The following BBS9 variants were observed in gnomAD, a reference collection of about 807,000 sequenced individuals.
BBS9 encodes Bardet-Biedl syndrome 9.
Under a neutral mutation model 117.7 loss-of-function variants are expected in BBS9, and 89 were observed. The ratio of observed to expected loss-of-function variants is 0.76; its 90% CI spans 0.64 to 0.90. BBS9 has a LOEUF of 0.90. Among genes scored for constraint, BBS9 ranks in the 40% least tolerant of loss-of-function variants. BBS9 has a pLI of 0.00. For synonymous variants in BBS9, 379 were observed against 370.9 expected (o/e 1.02, Z -0.25); for missense variants, 982 against 1,042.2 (o/e 0.94, Z 0.80).
chr7:33,246,114 A>G (rs2128292416), intron 5 of BBS9, among the ~76,000 whole-genome samples: 1 of 152,290 alleles, frequency 6.6e-6, no homozygotes, highest in East Asian at 1.9e-4. Flanking sequence ...TTCCCTTAGA[A>G]GAAACCAAGG....
At chr7:33,196,394 T>C (rs1205228614) in intron 5 of BBS9, among the ~76,000 whole-genome samples, 1 of 152,190 alleles carries the variant, frequency 6.6e-6, no homozygotes, top group African/African-American at 2.4e-5. Context: ...GTCTGGTTTC[T>C]TTGATTGCCA....
chr7:33,504,848 C>G (rs913372037), intron 19 of BBS9, among the ~76,000 whole-genome samples: 4 of 140,142 alleles, frequency 2.9e-5, no homozygotes, highest in African/African-American at 1.0e-4. Context: ...ACACCCTGAA[C>G]TTTTTTTTTT....
intron 16 of BBS9, among the ~76,000 whole-genome samples, chr7:33,367,333 A>G (rs749780732): frequency 1.3e-5 from 2 of 152,168 alleles, no homozygotes; most frequent in Non-Finnish European, 2.9e-5. Context: ...GCCTTTAAAC[A>G]TATTTGATGT....
chr7:33,285,551 G>A (rs754157102), intron 9 of BBS9, among the ~76,000 whole-genome samples: 1 of 152,130 alleles, frequency 6.6e-6, no homozygotes, highest in Non-Finnish European at 1.5e-5. Context: ...ATCGTTACAT[G>A]CATGCATATA....
intron 5 of BBS9, among the ~76,000 whole-genome samples, chr7:33,194,724 ATTC>A (rs1784670984): frequency 6.6e-6 from 1 of 152,188 alleles, no homozygotes; most frequent in African/African-American, 2.4e-5. Context: ...TGGTCAGATC[ATTC>A]TTTTCTTGTA....
intron 21 of BBS9, among the ~76,000 whole-genome samples, chr7:33,591,345 G>A (rs1343606003): frequency 6.6e-6 from 1 of 151,962 alleles, no homozygotes; most frequent in East Asian, 1.9e-4. Context: ...AATAGAAAGG[G>A]CTTTGCATGT....
intron 21 of BBS9, among the ~76,000 whole-genome samples, chr7:33,616,174 T>C (rs1335266930): frequency 6.7e-6 from 1 of 149,344 alleles, no homozygotes; most frequent in Non-Finnish European, 1.5e-5. Context: ...TTTTGATTGA[T>C]CTAACAGATA....
intron 18 of BBS9, among the ~76,000 whole-genome samples, chr7:33,386,455 C>CATTT (rs35669997): frequency 0.066 from 9,076 of 138,274 alleles, 445 homozygotes; most frequent in East Asian, 0.16. Flanking sequence ...AGCTTGCTTT[C>CATTT]ATTTATTTAT....
intron 16 of BBS9, among the ~76,000 whole-genome samples, chr7:33,360,524 C>CTTTT (rs5883399): frequency 1.4e-5 from 2 of 142,004 alleles, no homozygotes; most frequent in African/African-American, 2.6e-5. Flanking sequence ...CAATAAATAC[C>CTTTT]TTTTTTTTTT....
intron 20 of BBS9, among the ~76,000 whole-genome samples, chr7:33,522,382 A>C (rs1848759901): frequency 1.3e-5 from 2 of 149,818 alleles, no homozygotes; most frequent in South Asian, 2.1e-4. Flanking sequence ...AAGTGTTCCT[A>C]TTTCTCCACA....
chr7:33,488,988 CTTTTTTTT>C (rs869216155), intron 19 of BBS9, among the ~76,000 whole-genome samples: 6 of 103,314 alleles, frequency 5.8e-5, no homozygotes, highest in South Asian at 3.9e-4. Context: ...GGACAGACTT[CTTTTTTTT>C]TTTTTTTTTT....
chr7:33,541,377 T>C (rs1358090768), intron 21 of BBS9, among the ~76,000 whole-genome samples: 2 of 152,198 alleles, frequency 1.3e-5, no homozygotes, highest in African/African-American at 4.8e-5. Context: ...CCCACACTGC[T>C]ATTTCCAACC....
At chr7:33,533,114 G>T (rs59498277) in intron 20 of BBS9, among the ~76,000 whole-genome samples, 3,863 of 152,222 alleles carry the variant, frequency 0.025, 119 homozygotes, top group African/African-American at 0.072. Context: ...GACCCCTCCT[G>T]CTCTTTACCT....
chr7:33,448,910 A>G (rs138462030), intron 19 of BBS9, among the ~76,000 whole-genome samples: 1 of 152,344 alleles, frequency 6.6e-6, no homozygotes, highest in East Asian at 1.9e-4. Context: ...AGTGCTTTAC[A>G]TATATTGACT....
chr7:33,133,195 AC>A (rs1789897775), intron 1 of BBS9, among the ~76,000 whole-genome samples: 1 of 152,054 alleles, frequency 6.6e-6, no homozygotes, highest in Non-Finnish European at 1.5e-5. Context: ...AACAAAATGA[AC>A]CCCCATGTAT....
At chr7:33,239,308 G>A (rs1311956752) in intron 5 of BBS9, among the ~76,000 whole-genome samples, 1 of 152,064 alleles carries the variant, frequency 6.6e-6, no homozygotes, top group Non-Finnish European at 1.5e-5. Context: ...AAACAACCCT[G>A]TAAAATAGGT....
chr7:33,416,450 A>T (rs965183988), intron 19 of BBS9, among the ~76,000 whole-genome samples: 4 of 152,064 alleles, frequency 2.6e-5, no homozygotes, highest in African/African-American at 9.7e-5. Flanking sequence ...AATTAGAAAA[A>T]TGAACGGCAG....
chr7:33,166,511 C>T (rs1031509147), intron 4 of BBS9, among the ~76,000 whole-genome samples: 7 of 152,268 alleles, frequency 4.6e-5, no homozygotes, highest in South Asian at 2.1e-4. Context: ...CGGTGGGCTC[C>T]GCCAAGTTTG....
chr7:33,215,179 C>T (rs886471205), intron 5 of BBS9, among the ~76,000 whole-genome samples: 10 of 151,920 alleles, frequency 6.6e-5, no homozygotes, highest in African/African-American at 9.7e-5. Flanking sequence ...GGCAACAGAG[C>T]GAGACTCCGT....
Sources: allele counts gnomAD v4.1 joint callset (sites outside exome capture counted in the v4.1 genomes callset), GRCh38; gene constraint gnomAD v4.1.1; transcripts MANE v1.5; gene names NCBI Gene and HGNC (gene_info 2026-07-23, HGNC 2026-07-21).